The following PRTN3 variants were observed in gnomAD, a reference collection of about 807,000 sequenced individuals.
PRTN3 encodes myeloblastin.
PRTN3 carries 22 observed loss-of-function variants against 20.7 expected under a neutral mutation model. The observed-to-expected ratio is 1.06, with a 90% CI of 0.76 to 1.52. The LOEUF (loss-of-function observed/expected upper bound fraction) is 1.52. Ranked by LOEUF, PRTN3 falls within the 40% of genes most tolerant of loss-of-function variation. The probability of loss-of-function intolerance (pLI) is 0.00; values close to 1 mark genes in which losing one functional copy is unlikely to be tolerated. For missense variants in PRTN3, 378 were observed against 359.6 expected (o/e 1.05, Z -0.41); for synonymous variants, 173 against 152.9 (o/e 1.13, Z -0.97).
chr19:843,293 A>G, intron 1 of PRTN3, 168 bp from the exon 2 acceptor site: 1 of 655,024 alleles, frequency 1.5e-6, no homozygotes, highest in East Asian at 3.1e-5. Flanking sequence ...AAATCGTCGT[A>G]ATTATAACCC....
intron 4 of PRTN3, among the ~76,000 whole-genome samples, chr19:847,547 GAAAA>G (rs375071420): frequency 1.5e-5 from 2 of 131,096 alleles, no homozygotes; most frequent in Non-Finnish European, 3.3e-5. Flanking sequence ...AAGAAAGAAA[GAAAA>G]AGAAAGAGAG....
At position 843,920 on chromosome 19, in the gene PRTN3, C is replaced by T; in HGVS notation, c.255C>T (p.Leu85=). Residue 85 remains leucine (L), a synonymous_variant, in exon 3 of 5, where the codon CTC becomes CTT. Transcript: ENST00000234347. ...DIPQRLVNVV[L]GAHNVRTQEP... is the part of the protein sequence containing the mutation. ...CCCAGCGCCTGGTGAACGTGGTGCT[C>T]GGAGCCCACAACGTGCGGACGCAGG... 3 of 1,596,770 alleles carry T rather than the reference C, an allele frequency of 1.9e-6. No homozygotes were observed. Among genetic ancestry groups the T allele is most frequent in the Non-Finnish European group, 1.7e-6 (2 of 1,172,754 alleles).
At chr19:844,137 C>T (rs1169336140) in intron 3 of PRTN3, 103 bp downstream of exon 3, 3 of 1,422,348 alleles carry the variant, frequency 2.1e-6, no homozygotes, top group East Asian at 5.1e-5. Context: ...GTATACCGGG[C>T]CACGACCGAG....
intron 3 of PRTN3, among the ~76,000 whole-genome samples, chr19:845,043 G>A (rs138220504): frequency 0.012 from 1,834 of 150,452 alleles, 27 homozygotes; most frequent in South Asian, 0.041. Flanking sequence ...TGCCTTCCAG[G>A]TTCAAGTAAT....
intron 3 of PRTN3, among the ~76,000 whole-genome samples, chr19:845,370 C>A (rs948387760): frequency 3.9e-5 from 6 of 151,994 alleles, no homozygotes; most frequent in Admixed American, 3.9e-4. Flanking sequence ...GATCATGCCA[C>A]CACACTCCAG....
At chr19:843,819 G>A in intron 2 of PRTN3, 74 bp from the exon 3 acceptor site, 2 of 1,503,936 alleles carry the variant, frequency 1.3e-6, no homozygotes, top group Admixed American at 2.2e-5. Flanking sequence ...GCTGCACCGC[G>A]GCCTCGGGAA....
chr19:842,616 T>TGTC (rs1159823544), intron 1 of PRTN3, among the ~76,000 whole-genome samples: 1 of 101,468 alleles, frequency 9.9e-6, no homozygotes, highest in South Asian at 3.2e-4. Flanking sequence ...TGAGACGGAG[T>TGTC]GTCATTCTGT....
chr19:847,521 AAGAG>A (rs1555707972), intron 4 of PRTN3, among the ~76,000 whole-genome samples: 88 of 139,744 alleles, frequency 6.3e-4, no homozygotes, highest in African/African-American at 1.7e-3. Flanking sequence ...AAGAAAGAAA[AAGAG>A]AGAAAGAAAG....
chr19:843,418 T>G, intron 1 of PRTN3, 43 bp from the exon 2 acceptor site: 1 of 1,502,444 alleles, frequency 6.7e-7, no homozygotes, highest in Non-Finnish European at 8.9e-7. Context: ...CCCCTTTCCC[T>G]GCAGCCTGGG....
In PRTN3 at chr19:841,669, G is replaced by A. The variant is rs946961336; in HGVS notation, c.61+600G>A. ...AGGAGTTAGTGATGCTGGAATCAGG[G>A]GAAGAAGAGAGCATGGGCCCCCTCA... On this transcript the variant is annotated intron_variant, in intron 1 of 4. Transcript: ENST00000234347. 2.6e-5 allele frequency among the ~76,000 whole-genome samples: 4 copies of A among 152,166 alleles called. No individual in the cohort carries two copies. The East Asian group carries it at 7.7e-4, about 29-fold the overall frequency.
intron 2 of PRTN3, 46 bp from the exon 3 acceptor site, chr19:843,847 C>T (rs532894865): frequency 1.0e-5 from 16 of 1,537,864 alleles, no homozygotes; most frequent in East Asian, 9.5e-5. Context: ...CTGTGGGCGG[C>T]GGCGAGTGTC....
In PRTN3 at chr19:841,030, C is replaced by G; in HGVS notation, c.22C>G (p.Pro8Ala). 1 of 1,608,908 alleles carries G rather than the reference C, an allele frequency of 6.2e-7. No homozygotes were observed. The highest frequency in any genetic ancestry group is 8.5e-7 in the Non-Finnish European group (1 of 1,179,850). Reference protein sequence around the residue: MAHRPPSPALASVLLALL... With the variant: MAHRPPSAALASVLLALL... ...CACCATGGCTCACCGGCCCCCCAGC[C>G]CTGCCCTGGCGTCCGTGCTGCTGGC... Residue 8 changes from proline (P) to alanine (A), a missense_variant, in exon 1 of 5, where the codon CCT (proline) becomes GCT (alanine). Physicochemically the swap from Pro to Ala is conservative, Grantham distance 27. Transcript: ENST00000234347.
intron 4 of PRTN3, among the ~76,000 whole-genome samples, chr19:847,557 G>GAAAAAGAAAGAA (rs55921706): frequency 1.6e-5 from 2 of 121,896 alleles, no homozygotes; most frequent in Admixed American, 8.1e-5. Flanking sequence ...GAAAAAGAAA[G>GAAAAAGAAAGAA]AGAGAGAGAG....
intron 1 of PRTN3, 89 bp from the exon 2 acceptor site, chr19:843,372 G>C: frequency 7.4e-7 from 1 of 1,359,814 alleles, no homozygotes; most frequent in Non-Finnish European, 9.7e-7. Context: ...TCGGGAGACG[G>C]AGGCTCGGAG....
chr19:847,239 C>T (rs2035528216), intron 4 of PRTN3, among the ~76,000 whole-genome samples: 2 of 151,968 alleles, frequency 1.3e-5, no homozygotes, highest in African/African-American at 2.4e-5. Flanking sequence ...CTGGGGAGTT[C>T]GAGGTTGCAG....
Position 844,945 on chromosome 19 carries a change from C to CTT in PRTN3, c.369+911_369+912insTT, listed in dbSNP as rs1568299866. ...AGTGAGACCCCATCTCTATAAAAGA[C>CTT]ATTTTTTTTTTTTTTTTTTTTAGAC... On this transcript the variant is annotated intron_variant, in intron 3 of 4. Transcript: ENST00000234347. 4.9e-5 allele frequency among the ~76,000 whole-genome samples: 4 copies of CTT among 81,092 alleles called. No homozygotes were observed. The East Asian group carries it at 1.1e-3, about 21-fold the overall frequency. The allele number at this position is 81,092 out of a possible 152,430, so 53.2% of individuals were successfully genotyped here.
intron 1 of PRTN3, 105 bp downstream of exon 1, chr19:841,174 A>C (rs535234368): frequency 1.7e-5 from 24 of 1,429,516 alleles, no homozygotes; most frequent in Non-Finnish European, 2.3e-5. Context: ...CAGCTGGGGA[A>C]ACTGAGGCAG....
intron 3 of PRTN3, 122 bp from the exon 4 acceptor site, chr19:846,025 C>T (rs1326804607): frequency 4.5e-5 from 27 of 605,420 alleles, no homozygotes; most frequent in Admixed American, 4.1e-4. Context: ...GGGGCCCAGG[C>T]GGAGGGAGCG....
intron 1 of PRTN3, among the ~76,000 whole-genome samples, chr19:841,676 GA>G (rs969745571): frequency 3.9e-5 from 6 of 152,006 alleles, no homozygotes; most frequent in Non-Finnish European, 8.8e-5. Context: ...AGGGGAAGAA[GA>G]GAGCATGGGC....
Sources: allele counts gnomAD v4.1 joint callset (sites outside exome capture counted in the v4.1 genomes callset), GRCh38; gene constraint gnomAD v4.1.1; transcripts MANE v1.5; gene names NCBI Gene and HGNC (gene_info 2026-07-23, HGNC 2026-07-21).